Variants in FBLN7 observed in about 807,000 individuals in gnomAD.
The protein encoded by FBLN7 is fibulin-7.
Under a neutral mutation model 44.0 loss-of-function variants are expected in FBLN7, and 31 were observed. The ratio of observed to expected loss-of-function variants is 0.70; its 90% CI spans 0.53 to 0.95. The LOEUF is 0.95. Ranked by LOEUF, FBLN7 falls within the 40% of genes least tolerant of loss-of-function variation. The pLI, the probability that FBLN7 is intolerant of heterozygous loss-of-function variation, is 0.00. For synonymous variants in FBLN7, 262 were observed against 253.4 expected (o/e 1.03, Z -0.32); for missense variants, 573 against 618.5 (o/e 0.93, Z 0.78).
the FBLN7 span, among the ~76,000 whole-genome samples, chr2:112,239,149 G>A: frequency 1.4e-4 from 21 of 152,166 alleles, no homozygotes; most frequent in Non-Finnish European, 2.1e-4. Context: ...GTTGTTGCAC[G>A]TGCCCAAGGC....
At chr2:112,166,621 A>G (rs1042183570) in intron 3 of FBLN7, among the ~76,000 whole-genome samples, 3 of 152,206 alleles carry the variant, frequency 2.0e-5, no homozygotes, top group Non-Finnish European at 4.4e-5. Flanking sequence ...TCTGGTATTT[A>G]CTTACTTGAC....
chr2:112,155,985 C>T (rs1558875272), intron 1 of FBLN7, among the ~76,000 whole-genome samples: 1 of 152,228 alleles, frequency 6.6e-6, no homozygotes, highest in Non-Finnish European at 1.5e-5. Context: ...CCCGGGGCAG[C>T]TGCGGCTCCG....
At chr2:112,168,076 A>G (rs1481661743) in intron 3 of FBLN7, among the ~76,000 whole-genome samples, 1 of 152,148 alleles carries the variant, frequency 6.6e-6, no homozygotes, top group Non-Finnish European at 1.5e-5. Context: ...CCCACCTGCC[A>G]GGCGTCCAGC....
At chr2:112,196,751 A>G in the FBLN7 span, among the ~76,000 whole-genome samples, 1 of 152,100 alleles carries the variant, frequency 6.6e-6, no homozygotes, top group South Asian at 2.1e-4. Context: ...AGATATGTTT[A>G]TGTCTGTATT....
At chr2:112,209,861 T>C in the FBLN7 span, among the ~76,000 whole-genome samples, 17 of 149,680 alleles carry the variant, frequency 1.1e-4, no homozygotes, top group Non-Finnish European at 8.9e-5. Flanking sequence ...GAGGGTGAAA[T>C]TGACATCTGC....
intron 4 of FBLN7, among the ~76,000 whole-genome samples, chr2:112,180,840 A>G (rs1022051957): frequency 5.7e-5 from 8 of 140,966 alleles, no homozygotes; most frequent in Non-Finnish European, 9.1e-5. Flanking sequence ...GGAGAATGGC[A>G]TGAACCCGGG....
chr2:112,168,105 C>T (rs1407956545), intron 3 of FBLN7, among the ~76,000 whole-genome samples: 3 of 152,140 alleles, frequency 2.0e-5, no homozygotes, highest in African/African-American at 4.8e-5. Context: ...TGACCTTTCC[C>T]GTGGTCCAAC....
chr2:112,152,508 T>A (rs1308900344), intron 1 of FBLN7: 1 of 152,196 alleles, frequency 6.6e-6, no homozygotes, highest in Non-Finnish European at 1.5e-5. Flanking sequence ...GTGGTTAATT[T>A]TATGTGTCAA....
intron 2 of FBLN7, among the ~76,000 whole-genome samples, chr2:112,160,808 ACACACG>A (rs1558880534): frequency 4.7e-5 from 7 of 147,916 alleles, no homozygotes; most frequent in African/African-American, 1.5e-4. Flanking sequence ...ACGCACGCAC[ACACACG>A]CACACACAAG....
In FBLN7 at chr2:112,145,428, G is replaced by A. The variant is rs576970531; in HGVS notation, c.75+6698G>A. On this transcript the variant is annotated intron_variant, in intron 1 of 7. Coordinates refer to ENST00000331203, the MANE Select transcript of FBLN7 (RefSeq NM_153214.3). ...TTGGGATTACAGGCAAATCCTGATT[G>A]TTTTTAATAAATTTTGAGCGCTCTT... Among the ~76,000 whole-genome samples, 29 of 152,102 alleles carry A rather than the reference G, an allele frequency of 1.9e-4. No homozygotes were observed. In the South Asian group the frequency reaches 5.8e-3, roughly 30 times the overall value.
the FBLN7 span, among the ~76,000 whole-genome samples, chr2:112,193,652 G>C: frequency 6.6e-5 from 10 of 152,154 alleles, no homozygotes; most frequent in Non-Finnish European, 1.3e-4. Flanking sequence ...TGTGGGTATG[G>C]AGGGCCAAAT....
At chr2:112,222,765 GAAGAC>G in the FBLN7 span, among the ~76,000 whole-genome samples, 1 of 152,210 alleles carries the variant, frequency 6.6e-6, no homozygotes, top group South Asian at 2.1e-4. Flanking sequence ...TCAAGGCCTT[GAAGAC>G]AAGAGGAAAT....
the FBLN7 span, among the ~76,000 whole-genome samples, chr2:112,240,998 T>C: frequency 8.1e-4 from 115 of 141,374 alleles, no homozygotes; most frequent in South Asian, 5.5e-3. Context: ...CGTGTGTATG[T>C]GTGTTGTGTT....
intron 4 of FBLN7, chr2:112,176,186 T>A (rs577254841): frequency 5.3e-6 from 1 of 188,380 alleles, no homozygotes; most frequent in South Asian, 1.6e-4. Context: ...CAGAACCACC[T>A]TTTCTTTCCA....
In FBLN7 at chr2:112,187,299, G is replaced by A. The variant is rs1242326418; in HGVS notation, c.1113G>A (p.Leu371=). The change falls in exon 8 of 8, where the codon CTG becomes CTA. Residue 371 remains leucine, a synonymous_variant. Coordinates refer to ENST00000331203, the MANE Select transcript of FBLN7 (RefSeq NM_153214.3). The surrounding 1 kb of genome is among the most constrained non-coding windows in gnomAD (Gnocchi z 5.1). ...SAPGRAGPNS[L]RFGIVGGNSR... is the part of the protein sequence containing the mutation. ...CCGGCCGAGCTGGGCCCAACAGCCT[G>A]CGGTTTGGGATCGTGGGTGGGAACA... is the stretch of plus-strand genomic sequence containing the variant. 6.2e-7 allele frequency: 1 copy of A among 1,614,184 alleles called. No homozygotes were observed. The highest frequency in any genetic ancestry group is 8.5e-7 in the Non-Finnish European group (1 of 1,180,050).
chr2:112,160,734 ACACG>A (rs1159771592), intron 2 of FBLN7, among the ~76,000 whole-genome samples: 46 of 93,850 alleles, frequency 4.9e-4, no homozygotes, highest in Middle Eastern at 8.9e-3. Flanking sequence ...ACACGCACGC[ACACG>A]CACACACGCG....
chr2:112,191,428 G>A (rs538557046), downstream of FBLN7, among the ~76,000 whole-genome samples: 52 of 152,102 alleles, frequency 3.4e-4, no homozygotes, highest in Admixed American at 1.2e-3. Context: ...TGCCCGCCTC[G>A]GCCTCCCAAA....
chr2:112,194,070 C>T, the FBLN7 span, among the ~76,000 whole-genome samples: 1 of 152,302 alleles, frequency 6.6e-6, no homozygotes. Context: ...AATGTCTTTG[C>T]TTCCCTCAGC....
At chr2:112,208,797 C>A in the FBLN7 span, among the ~76,000 whole-genome samples, 3 of 152,188 alleles carry the variant, frequency 2.0e-5, no homozygotes, top group Non-Finnish European at 2.9e-5. Flanking sequence ...TGAAACAAAT[C>A]ATAACTTAAA....
Sources: allele counts gnomAD v4.1 joint callset (sites outside exome capture counted in the v4.1 genomes callset), GRCh38; gene constraint gnomAD v4.1.1; non-coding constraint Gnocchi (gnomAD v3.1); transcripts MANE v1.5; gene names NCBI Gene and HGNC (gene_info 2026-07-23, HGNC 2026-07-21).